The following NFE2L2 variants were observed in gnomAD, a reference collection of about 807,000 sequenced individuals.
NFE2L2 encodes nuclear factor erythroid 2-related factor 2.
A neutral mutation model predicts 49.6 loss-of-function variants in NFE2L2; 20 were observed. The observed-to-expected ratio is 0.40, with a 90% confidence interval of 0.28 to 0.59. NFE2L2 has a LOEUF of 0.59. Ranked by LOEUF, NFE2L2 falls within the 20% of genes least tolerant of loss-of-function variation. NFE2L2 has a pLI of 0.40. For synonymous variants in NFE2L2, 244 were observed against 256.5 expected, an observed-to-expected ratio of 0.95 and a Z score of 0.47; for missense variants, 578 against 714.2, an observed-to-expected ratio of 0.81 and a Z score of 2.17.
At chr2:177,248,183 T>C (rs1473326023) in intron 1 of NFE2L2, among the ~76,000 whole-genome samples, 1 of 152,156 alleles carries the variant, frequency 6.6e-6, no homozygotes, top group African/African-American at 2.4e-5. Context: ...CTGACCTAAC[T>C]GAGCAGAATC....
At chr2:177,261,240 G>T (rs1045437811) in intron 1 of NFE2L2, among the ~76,000 whole-genome samples, 13 of 151,366 alleles carry the variant, frequency 8.6e-5, no homozygotes, top group African/African-American at 3.2e-4. Context: ...AGGCCTCTGT[G>T]TCTTCCTTAA....
In NFE2L2 at chr2:177,238,609, T is replaced by G. The variant is rs368640832; in HGVS notation, c.46-4338A>C. 8.9e-4 allele frequency among the ~76,000 whole-genome samples: 135 copies of G among 152,352 alleles called. 1 individual carries two copies. In the South Asian group the frequency reaches 0.014, roughly 16 times the overall value. On this transcript the variant is annotated intron_variant, in intron 1 of 4. Transcript: ENST00000397062. Reference sequence around the variant, plus strand: ...GTGATAGGCTCTACTACTTGCTGTATAAGCGAGACCAAAGTCCAGGCCAAT... The same window carrying G: ...GTGATAGGCTCTACTACTTGCTGTAGAAGCGAGACCAAAGTCCAGGCCAAT...
intron 1 of NFE2L2, among the ~76,000 whole-genome samples, chr2:177,247,432 C>A (rs1421549647): frequency 1.3e-5 from 2 of 152,026 alleles, no homozygotes; most frequent in Non-Finnish European, 2.9e-5. Context: ...GAGGCCGAGG[C>A]AGGTGGATCG....
intron 1 of NFE2L2, among the ~76,000 whole-genome samples, chr2:177,259,685 C>G (rs1690658031): frequency 6.6e-6 from 1 of 152,082 alleles, no homozygotes; most frequent in Non-Finnish European, 1.5e-5. Context: ...GTAATCCCAG[C>G]ACTTTGGGAG....
intron 1 of NFE2L2, among the ~76,000 whole-genome samples, chr2:177,257,193 C>T (rs1690556259): frequency 6.6e-6 from 1 of 152,220 alleles, no homozygotes; most frequent in African/African-American, 2.4e-5. Flanking sequence ...GGCCCAGGAA[C>T]ACAGCTTCCT....
intron 1 of NFE2L2, among the ~76,000 whole-genome samples, chr2:177,241,338 TTTTC>T (rs1220676957): frequency 1.3e-5 from 2 of 152,206 alleles, no homozygotes; most frequent in Non-Finnish European, 2.9e-5. Context: ...TTGATTATAT[TTTTC>T]TTTCTTTCAT....
chr2:177,248,982 C>G (rs1382425073), intron 1 of NFE2L2, among the ~76,000 whole-genome samples: 3 of 151,776 alleles, frequency 2.0e-5, no homozygotes, highest in Non-Finnish European at 4.4e-5. Context: ...TTTGGGGGAC[C>G]AAGGTAGGAG....
chr2:177,242,728 A>C (rs987925392), intron 1 of NFE2L2, among the ~76,000 whole-genome samples: 3 of 152,222 alleles, frequency 2.0e-5, no homozygotes, highest in African/African-American at 7.2e-5. Context: ...TGGAAAGTGA[A>C]GAAAGCAAGA....
chr2:177,244,090 G>C (rs1347116559), intron 1 of NFE2L2, among the ~76,000 whole-genome samples: 2 of 151,694 alleles, frequency 1.3e-5, no homozygotes, highest in African/African-American at 4.8e-5. Context: ...CACAGGATCA[G>C]GAGATTGAGA....
Position 177,230,671 on chromosome 2 carries a change from G to T in NFE2L2, c.*114C>A. The T allele has an allele frequency of 1.7e-6, 2 of 1,186,870 alleles. No individual in the cohort carries two copies. The highest frequency in any genetic ancestry group is 1.9e-5 in the South Asian group (1 of 51,700). 73.5% of individuals were successfully genotyped at this position (1,186,870 alleles called of 1,614,324 possible). On this transcript the variant is annotated 3_prime_UTR_variant, in exon 5 of 5. Coordinates refer to ENST00000397062, the MANE Select transcript of NFE2L2 (RefSeq NM_006164.5). ...CGTATTATTTTCTATACTAGTTTTGGCTATGATTTTGCATAGAATTACTTA... is the reference window on the plus strand; with the variant it reads ...CGTATTATTTTCTATACTAGTTTTGTCTATGATTTTGCATAGAATTACTTA...
At chr2:177,238,613 C>G (rs1006513637) in intron 1 of NFE2L2, among the ~76,000 whole-genome samples, 1 of 152,124 alleles carries the variant, frequency 6.6e-6, no homozygotes, top group Non-Finnish European at 1.5e-5. Flanking sequence ...GCTGTATAAG[C>G]GAGACCAAAG....
intron 1 of NFE2L2, among the ~76,000 whole-genome samples, chr2:177,259,176 C>T (rs1690636212): frequency 6.6e-6 from 1 of 152,188 alleles, no homozygotes; most frequent in Non-Finnish European, 1.5e-5. Flanking sequence ...GCGGCACACA[C>T]TTGTAATCCC....
intron 1 of NFE2L2, among the ~76,000 whole-genome samples, chr2:177,247,805 T>C (rs995091101): frequency 6.6e-6 from 1 of 152,204 alleles, no homozygotes; most frequent in Non-Finnish European, 1.5e-5. Context: ...TAATTTTCAT[T>C]TGTGCCTTTG....
At position 177,234,179 on chromosome 2, in the gene NFE2L2, A is replaced by G. The variant is rs1365753553; in HGVS notation, c.138T>C (p.Tyr46=). ...VFDFSQRRKE[Y]ELEKQKKLEK... is the part of the protein sequence containing the mutation. ...CAAGTTTTTTCTGTTTTTCCAGCTC[A>G]TACTCTTTCCGTCGCTGACTGAAGT... Residue 46 remains tyrosine, a synonymous_variant, in exon 2 of 5, where the codon TAT becomes TAC. Coordinates refer to ENST00000397062, the MANE Select transcript of NFE2L2 (RefSeq NM_006164.5). The G allele has an allele frequency of 6.2e-7, 1 of 1,614,024 alleles. No homozygotes were observed. The highest frequency in any genetic ancestry group is 1.3e-5 in the African/African-American group (1 of 74,908).
chr2:177,261,890 T>G (rs997722588), intron 1 of NFE2L2, among the ~76,000 whole-genome samples: 1 of 151,892 alleles, frequency 6.6e-6, no homozygotes, highest in Non-Finnish European at 1.5e-5. Flanking sequence ...GAAAAAAAAA[T>G]GTACTTGTTG....
intron 1 of NFE2L2, among the ~76,000 whole-genome samples, chr2:177,260,692 T>C (rs1381496070): frequency 6.6e-6 from 1 of 152,132 alleles, no homozygotes; most frequent in Non-Finnish European, 1.5e-5. Context: ...ACCAAACTTA[T>C]TTTTGAGCAC....
chr2:177,230,897 C>A lies in NFE2L2; in HGVS notation c.1706G>T (p.Arg569Leu). The part of the protein sequence containing the change: ...TLYLEVFSML[R>L]DEDGKPYSPS... Reference sequence around the variant, plus strand: ...AGAATAAGGTTTTCCATCTTCATCACGTAGCATGCTGAAAACTTCGAGATA... The same window carrying A: ...AGAATAAGGTTTTCCATCTTCATCAAGTAGCATGCTGAAAACTTCGAGATA... The change falls in exon 5 of 5, where the codon CGT becomes CTT. Residue 569 changes from arginine (R) to leucine (L), a missense_variant. Physicochemically the swap from Arg to Leu is moderately radical, Grantham distance 102. Transcript: ENST00000397062. 2 of 1,614,050 alleles carry A rather than the reference C, an allele frequency of 1.2e-6. No individual in the cohort carries two copies. Among genetic ancestry groups the A allele is most frequent in the Non-Finnish European group, 1.7e-6 (2 of 1,180,004 alleles).
intron 4 of NFE2L2, 109 bp from the exon 5 acceptor site, chr2:177,232,117 AT>A (rs1256926521): frequency 9.1e-7 from 1 of 1,093,740 alleles, no homozygotes; most frequent in Admixed American, 2.6e-5. Flanking sequence ...TATCTCTATA[AT>A]TTATTATCTA....
At chr2:177,245,353 A>G (rs1270398486) in intron 1 of NFE2L2, among the ~76,000 whole-genome samples, 1 of 152,220 alleles carries the variant, frequency 6.6e-6, no homozygotes, top group African/African-American at 2.4e-5. Flanking sequence ...CAGAGGTCAA[A>G]GGATTATCAA....
Sources: allele counts gnomAD v4.1 joint callset (sites outside exome capture counted in the v4.1 genomes callset), GRCh38; gene constraint gnomAD v4.1.1; transcripts MANE v1.5; gene names NCBI Gene and HGNC (gene_info 2026-07-23, HGNC 2026-07-21).